Variants in SHC3 observed in about 807,000 individuals in gnomAD.
SHC3 encodes the protein SHC adaptor protein 3, also known as SHC-transforming protein 3.
Under a neutral mutation model 60.4 loss-of-function variants are expected in SHC3, and 15 were observed. The ratio of observed to expected loss-of-function variants is 0.25; its 90% confidence interval spans 0.17 to 0.38. The LOEUF (loss-of-function observed/expected upper bound fraction) is 0.38. SHC3 is among the 10% of genes least tolerant of loss of function. The probability of loss-of-function intolerance (pLI) is 1.00; values close to 1 mark genes in which losing one functional copy is unlikely to be tolerated. For missense variants in SHC3, 677 were observed against 786.1 expected, an observed-to-expected ratio of 0.86 and a Z score of 1.66; for synonymous variants, 294 against 325.9, an observed-to-expected ratio of 0.90 and a Z score of 1.05.
chr9:89,022,536 G>A (rs577783745), intron 11 of SHC3, among the ~76,000 whole-genome samples: 9 of 152,232 alleles, frequency 5.9e-5, no homozygotes, highest in South Asian at 2.1e-4. Context: ...GAGAGCATGC[G>A]CACTTTAATT....
intron 2 of SHC3, chr9:89,110,070 A>G (rs1825923862): frequency 2.0e-6 from 2 of 985,466 alleles, no homozygotes; most frequent in Middle Eastern, 1.0e-3. Flanking sequence ...TACACTGAAA[A>G]AGAACAAAAA....
In SHC3 at chr9:89,037,981, C is replaced by A. The variant is rs371151904; in HGVS notation, c.1656+12G>T. ...ACTGGCAGGTCCGGCCCCACCCCCA[C>A]TGGGTGCTCACCGTGCCTTCTGGGT... On this transcript the variant is annotated intron_variant, in intron 11 of 11. Transcript: ENST00000375835. 1 of 1,603,678 alleles carries A rather than the reference C, an allele frequency of 6.2e-7. No individual in the cohort carries two copies. Among genetic ancestry groups the A allele is most frequent in the Non-Finnish European group, 8.5e-7 (1 of 1,179,088 alleles).
intron 1 of SHC3, among the ~76,000 whole-genome samples, chr9:89,150,531 T>G (rs978484177): frequency 6.6e-6 from 1 of 152,210 alleles, no homozygotes; most frequent in African/African-American, 2.4e-5. Flanking sequence ...TGTAGCATGG[T>G]CAGTACTTCA....
intron 2 of SHC3, among the ~76,000 whole-genome samples, chr9:89,092,615 C>CA (rs59133401): frequency 0.087 from 5,770 of 66,164 alleles, 234 homozygotes; most frequent in Middle Eastern, 0.11. Flanking sequence ...GACTCTGTCT[C>CA]AAAAAAAAAA....
At chr9:89,076,731 C>T (rs139023494) in intron 3 of SHC3, among the ~76,000 whole-genome samples, 9 of 152,232 alleles carry the variant, frequency 5.9e-5, no homozygotes, top group Admixed American at 3.9e-4. Flanking sequence ...ATCTGTAATA[C>T]GGGGATATCC....
At chr9:89,124,478 A>G (rs1289137613) in intron 1 of SHC3, among the ~76,000 whole-genome samples, 1 of 152,244 alleles carries the variant, frequency 6.6e-6, no homozygotes, top group African/African-American at 2.4e-5. Flanking sequence ...GAAAAGTGGC[A>G]CATATACAAC....
intron 11 of SHC3, among the ~76,000 whole-genome samples, chr9:89,036,398 G>A (rs1383289407): frequency 3.3e-5 from 5 of 152,162 alleles, no homozygotes; most frequent in Non-Finnish European, 5.9e-5. Flanking sequence ...GCTGGTGTGC[G>A]CCTTAGTAGC....
Position 89,089,392 on chromosome 9 carries a change from C to T in SHC3, c.546-11489G>A, listed in dbSNP as rs112147619. Among the ~76,000 whole-genome samples the T allele has an allele frequency of 5.3e-3, 800 of 152,224 alleles. 3 individuals carry two copies. Among genetic ancestry groups the T allele is most frequent in the African/African-American group, 0.018 (764 of 41,546 alleles). ...TCTTGGAGTTAGGTGCCATGTGCAACGCTGATCTTGGAGCCTGGGGGGTGG... is the reference window on the plus strand; with the variant it reads ...TCTTGGAGTTAGGTGCCATGTGCAATGCTGATCTTGGAGCCTGGGGGGTGG... On this transcript the variant is annotated intron_variant, in intron 2 of 11. Transcript: ENST00000375835.
chr9:89,171,234 ATT>A (rs5899068), intron 1 of SHC3, among the ~76,000 whole-genome samples: 32 of 150,356 alleles, frequency 2.1e-4, no homozygotes, highest in Admixed American at 4.6e-4. Flanking sequence ...CCATATTTTG[ATT>A]TTTTTTTTTT....
intron 1 of SHC3, among the ~76,000 whole-genome samples, chr9:89,130,210 A>AGCTAACT (rs1434655599): frequency 6.6e-6 from 1 of 152,260 alleles, no homozygotes; most frequent in Non-Finnish European, 1.5e-5. Context: ...CAACAAGAAG[A>AGCTAACT]GCTAACTATC....
chr9:89,064,762 T>G (rs1258193684), intron 6 of SHC3, among the ~76,000 whole-genome samples: 3 of 152,116 alleles, frequency 2.0e-5, no homozygotes, highest in African/African-American at 4.8e-5. Flanking sequence ...AACAGAATAT[T>G]AGGATCTCAT....
At chr9:89,108,622 T>A (rs922278762) in intron 2 of SHC3, among the ~76,000 whole-genome samples, 1 of 152,236 alleles carries the variant, frequency 6.6e-6, no homozygotes, top group South Asian at 2.1e-4. Context: ...TTAATTGAAA[T>A]CTAATTTACG....
chr9:89,083,489 G>C (rs1255065157), intron 2 of SHC3, among the ~76,000 whole-genome samples: 1 of 152,204 alleles, frequency 6.6e-6, no homozygotes, highest in Non-Finnish European at 1.5e-5. Flanking sequence ...TTCAGGATAT[G>C]CCAAGGAGCA....
chr9:89,159,713 G>A (rs1406023878), intron 1 of SHC3, among the ~76,000 whole-genome samples: 7 of 152,216 alleles, frequency 4.6e-5, no homozygotes, highest in African/African-American at 1.4e-4. Context: ...TCGGATATTC[G>A]TGGGCAGGAA....
chr9:89,112,226 C>T (rs576167448), intron 2 of SHC3, among the ~76,000 whole-genome samples: 3 of 152,288 alleles, frequency 2.0e-5, no homozygotes, highest in African/African-American at 7.2e-5. Flanking sequence ...GAACATGGTT[C>T]AGTACATTTT....
At chr9:89,035,493 T>C (rs1315971372) in intron 11 of SHC3, among the ~76,000 whole-genome samples, 2 of 152,136 alleles carry the variant, frequency 1.3e-5, no homozygotes, top group African/African-American at 4.8e-5. Context: ...ATGGTACTTA[T>C]ACAAGGACTA....
At chr9:89,109,588 G>C in intron 2 of SHC3, 1 of 985,508 alleles carries the variant, frequency 1.0e-6, no homozygotes, top group Non-Finnish European at 1.2e-6. Context: ...GAGAAGAGAG[G>C]GTGGACGCAG....
At chr9:89,069,462 G>T (rs1216476395) in intron 5 of SHC3, among the ~76,000 whole-genome samples, 1 of 152,246 alleles carries the variant, frequency 6.6e-6, no homozygotes, top group Non-Finnish European at 1.5e-5. Context: ...AGCCATTGTG[G>T]TTGACTTTTG....
intron 1 of SHC3, among the ~76,000 whole-genome samples, chr9:89,113,024 G>A (rs139896190): frequency 4.0e-5 from 6 of 151,814 alleles, no homozygotes; most frequent in African/African-American, 9.7e-5. Context: ...AGTCTTTTAC[G>A]AGGCTTCTAC....
Sources: gnomAD v4.1 joint callset for allele counts (sites outside exome capture counted in the v4.1 genomes callset) on GRCh38, gnomAD v4.1.1 for gene constraint, MANE v1.5 for transcripts, NCBI Gene and HGNC (gene_info 2026-07-23, HGNC 2026-07-21) for gene names.